The following GRIK3 variants were observed in gnomAD, a reference collection of about 807,000 sequenced individuals.
GRIK3 encodes the protein glutamate receptor ionotropic, kainate 3.
In GRIK3, 29 loss-of-function variants were observed where a neutral mutation model predicts 102.5. The observed-to-expected ratio is 0.28, with a 90% CI of 0.21 to 0.39. The LOEUF (loss-of-function observed/expected upper bound fraction) is 0.39, where lower values mean the gene tolerates loss of function less well. Ranked by LOEUF, GRIK3 falls within the 10% of genes least tolerant of loss-of-function variation. GRIK3 has a pLI of 1.00. For missense variants in GRIK3, 908 were observed against 1,252.4 expected (o/e 0.73, Z 4.15); for synonymous variants, 511 against 504.9 (o/e 1.01, Z -0.16).
At chr1:37,000,527 C>T (rs1006283746) in intron 1 of GRIK3, among the ~76,000 whole-genome samples, 1 of 152,146 alleles carries the variant, frequency 6.6e-6, no homozygotes, top group Non-Finnish European at 1.5e-5. Flanking sequence ...AAATAACTTG[C>T]CCAAGGTCAC....
intron 1 of GRIK3, among the ~76,000 whole-genome samples, chr1:36,936,028 T>C (rs1001811778): frequency 2.7e-4 from 41 of 152,264 alleles, no homozygotes; most frequent in African/African-American, 9.9e-4. Flanking sequence ...AACAGAAAAC[T>C]ACAAACAAAT....
chr1:36,890,873 C>T lies in GRIK3; in HGVS notation c.292+47G>A, dbSNP rs1398861890. The stretch of plus-strand genomic sequence containing the variant: ...TCTTGGACAGCAAATGCAGCGCTTC[C>T]CCTCCCCAGGCTGGGAAGAGAACAG... On this transcript the variant is annotated intron_variant, in intron 2 of 15. Transcript: ENST00000373091. The T allele has an allele frequency of 2.0e-6, 3 of 1,474,502 alleles. No homozygotes were observed. In the African/African-American group the frequency reaches 4.2e-5, roughly 21 times the overall value. The allele number at this position is 1,474,502 out of a possible 1,614,324, so 91.3% of individuals were successfully genotyped here. A position where few individuals can be genotyped will look rare whatever the true frequency, so the allele number is the denominator to read the frequency against.
chr1:36,980,628 G>A (rs767745512), intron 1 of GRIK3, among the ~76,000 whole-genome samples: 4 of 152,084 alleles, frequency 2.6e-5, no homozygotes, highest in South Asian at 2.1e-4. Context: ...CTGCAGGCCT[G>A]GGCAGTCAGC....
At chr1:36,956,691 G>C (rs1485510565) in intron 1 of GRIK3, among the ~76,000 whole-genome samples, 1 of 152,318 alleles carries the variant, frequency 6.6e-6, no homozygotes, top group African/African-American at 2.4e-5. Flanking sequence ...GAGGTGCACA[G>C]GAAACATTTC....
intron 1 of GRIK3, among the ~76,000 whole-genome samples, chr1:36,923,544 G>C (rs545614696): frequency 1.3e-5 from 2 of 152,226 alleles, no homozygotes; most frequent in Non-Finnish European, 2.9e-5. Context: ...CACTGCATGG[G>C]AATGAGGATC....
chr1:36,996,800 A>G (rs1278220408), intron 1 of GRIK3, among the ~76,000 whole-genome samples: 2 of 152,196 alleles, frequency 1.3e-5, no homozygotes, highest in African/African-American at 4.8e-5. Flanking sequence ...AGCTCTCCCC[A>G]GCTCCGCATA....
At position 36,971,235 on chromosome 1, in the gene GRIK3, C is replaced by A. The variant is rs1642136378; in HGVS notation, c.115+62759G>T. ...TAAAATGGCAAAGCAGCCTCATCAT[C>A]CTTCTGACTCCAGGATAGCCACATG... is the stretch of plus-strand genomic sequence containing the variant. On this transcript the variant is annotated intron_variant, in intron 1 of 15. Coordinates refer to ENST00000373091, the MANE Select transcript of GRIK3 (RefSeq NM_000831.4). 1.3e-5 allele frequency among the ~76,000 whole-genome samples: 2 copies of A among 152,194 alleles called. 1 individual carries two copies. The highest frequency in any genetic ancestry group is 4.1e-4 in the South Asian group (2 of 4,830).
At chr1:36,815,734 G>C (rs1416813144) in intron 13 of GRIK3, among the ~76,000 whole-genome samples, 1 of 152,042 alleles carries the variant, frequency 6.6e-6, no homozygotes, top group Non-Finnish European at 1.5e-5. Context: ...CTCTGAGGGT[G>C]GGGCCTGCAA....
chr1:36,931,326 G>A (rs1641586088), intron 1 of GRIK3, among the ~76,000 whole-genome samples: 1 of 152,116 alleles, frequency 6.6e-6, no homozygotes. Context: ...CTGGAGAGAG[G>A]CACAAATGGG....
intron 1 of GRIK3, among the ~76,000 whole-genome samples, chr1:36,907,984 T>C (rs747086181): frequency 6.6e-6 from 1 of 152,032 alleles, no homozygotes; most frequent in Admixed American, 6.5e-5. Context: ...AATAACCAAC[T>C]AATAATGGGG....
At chr1:36,865,465 CG>C (rs1364862556) in intron 5 of GRIK3, among the ~76,000 whole-genome samples, 8 of 152,132 alleles carry the variant, frequency 5.3e-5, no homozygotes. Context: ...GGGAGGATCA[CG>C]AGGTAGAGGC....
intron 10 of GRIK3, among the ~76,000 whole-genome samples, chr1:36,840,600 G>A (rs1289504444): frequency 6.7e-6 from 1 of 150,296 alleles, no homozygotes; most frequent in Non-Finnish European, 1.5e-5. Flanking sequence ...AGTGCCTCGT[G>A]CCTGTAGCCC....
chr1:37,016,417 G>A (rs1642652621), intron 1 of GRIK3, among the ~76,000 whole-genome samples: 1 of 152,174 alleles, frequency 6.6e-6, no homozygotes, highest in South Asian at 2.1e-4. Context: ...AACAATTGCT[G>A]TTATCATCAC....
chr1:36,807,336 T>G (rs1356687850), intron 13 of GRIK3, among the ~76,000 whole-genome samples: 1 of 152,130 alleles, frequency 6.6e-6, no homozygotes, highest in Admixed American at 6.5e-5. Flanking sequence ...TCTTGGGAAC[T>G]TAGTGCTTTG....
At chr1:37,026,530 T>G (rs1403892724) in intron 1 of GRIK3, among the ~76,000 whole-genome samples, 4 of 152,190 alleles carry the variant, frequency 2.6e-5, no homozygotes, top group African/African-American at 4.8e-5. Flanking sequence ...CTCCTAAAAT[T>G]TATTAAGCAT....
chr1:36,988,405 C>T (rs1047448927), intron 1 of GRIK3, among the ~76,000 whole-genome samples: 7 of 152,250 alleles, frequency 4.6e-5, no homozygotes, highest in Non-Finnish European at 1.5e-5. Flanking sequence ...ACTTGCCCTC[C>T]CATCTCTGGG....
At chr1:36,973,522 C>CT (rs1642165794) in intron 1 of GRIK3, among the ~76,000 whole-genome samples, 1 of 149,944 alleles carries the variant, frequency 6.7e-6, no homozygotes, top group Non-Finnish European at 1.5e-5. Flanking sequence ...CGGGTTCAAG[C>CT]AATTCTCCTG....
At chr1:37,007,660 G>A (rs988744514) in intron 1 of GRIK3, among the ~76,000 whole-genome samples, 5 of 152,216 alleles carry the variant, frequency 3.3e-5, no homozygotes, top group Admixed American at 3.3e-4. Flanking sequence ...CAGGCCTTGG[G>A]CTAGGCACTT....
At chr1:36,818,456 C>T (rs139095633) in intron 12 of GRIK3, among the ~76,000 whole-genome samples, 150 of 152,320 alleles carry the variant, frequency 9.8e-4, no homozygotes, top group South Asian at 1.5e-3. Flanking sequence ...CTGGCCACTC[C>T]CAGCCTCCCC....
Sources: gnomAD v4.1 joint callset for allele counts (sites outside exome capture counted in the v4.1 genomes callset) on GRCh38, gnomAD v4.1.1 for gene constraint, MANE v1.5 for transcripts, NCBI Gene and HGNC (gene_info 2026-07-23, HGNC 2026-07-21) for gene names.